Variants in CACNA2D3 observed in about 807,000 individuals in gnomAD.
CACNA2D3 encodes the protein voltage-dependent calcium channel subunit alpha-2/delta-3.
Under a neutral mutation model 160.6 loss-of-function variants are expected in CACNA2D3, and 60 were observed. The ratio of observed to expected loss-of-function variants is 0.37; its 90% confidence interval spans 0.30 to 0.46. The LOEUF (loss-of-function observed/expected upper bound fraction) is 0.46. Ranked by LOEUF, CACNA2D3 falls within the 20% of genes least tolerant of loss-of-function variation. The probability of loss-of-function intolerance (pLI) is 1.00; values close to 1 mark genes in which losing one functional copy is unlikely to be tolerated. For missense variants in CACNA2D3, 1,205 were observed against 1,365.0 expected, an observed-to-expected ratio of 0.88 and a Z score of 1.85; for synonymous variants, 558 against 492.9, an observed-to-expected ratio of 1.13 and a Z score of -1.75.
At chr3:55,064,411 G>T (rs1046685331) in intron 35 of CACNA2D3, among the ~76,000 whole-genome samples, 5 of 152,092 alleles carry the variant, frequency 3.3e-5, no homozygotes, top group Non-Finnish European at 5.9e-5. Context: ...CCGGTGAGGT[G>T]GGGGGCAGGG....
intron 2 of CACNA2D3, among the ~76,000 whole-genome samples, chr3:54,272,531 A>G (rs887738015): frequency 6.6e-6 from 1 of 151,996 alleles, no homozygotes; most frequent in Non-Finnish European, 1.5e-5. Flanking sequence ...TTTCAGGTTC[A>G]TTAAACCTAT....
intron 9 of CACNA2D3, among the ~76,000 whole-genome samples, chr3:54,619,807 G>T (rs1289401285): frequency 7.2e-5 from 11 of 151,960 alleles, no homozygotes; most frequent in African/African-American, 2.4e-4. Context: ...GATAATATTG[G>T]CTCTGCACTG....
chr3:54,569,847 C>T lies in CACNA2D3; in HGVS notation c.729C>T (p.Asn243=). 2.5e-6 allele frequency: 4 copies of T among 1,609,342 alleles called. No individual in the cohort carries two copies. The highest frequency in any genetic ancestry group is 3.4e-6 in the Non-Finnish European group (4 of 1,177,602). ...ENGVIAFDCR[N]RKWYIQAATS... ...GAGTCATTGCCTTCGACTGCAGGAACCGAAAATGGTAGGCAGTGGTCAGAC... is the reference window on the plus strand; with the variant it reads ...GAGTCATTGCCTTCGACTGCAGGAATCGAAAATGGTAGGCAGTGGTCAGAC... Residue 243 remains asparagine, a synonymous_variant, in exon 7 of 38, where the codon AAC becomes AAT. Coordinates refer to ENST00000474759, the MANE Select transcript of CACNA2D3 (RefSeq NM_018398.3).
chr3:54,547,217 A>G (rs1453159007), intron 5 of CACNA2D3, among the ~76,000 whole-genome samples: 1 of 152,212 alleles, frequency 6.6e-6, no homozygotes. Context: ...AGTTGGCATA[A>G]TTCCTAGCGT....
chr3:54,610,788 C>G (rs1698736109), intron 9 of CACNA2D3, among the ~76,000 whole-genome samples: 1 of 152,118 alleles, frequency 6.6e-6, no homozygotes, highest in Non-Finnish European at 1.5e-5. Context: ...CGCCACCATG[C>G]CCGGCTAATT....
chr3:54,983,613 C>G (rs974825693), intron 29 of CACNA2D3, among the ~76,000 whole-genome samples: 7 of 152,138 alleles, frequency 4.6e-5, no homozygotes, highest in African/African-American at 1.7e-4. Context: ...TCTGTTGATT[C>G]TGCACAGTCA....
intron 5 of CACNA2D3, among the ~76,000 whole-genome samples, chr3:54,557,042 C>T (rs967415691): frequency 2.0e-5 from 3 of 151,974 alleles, no homozygotes; most frequent in Non-Finnish European, 2.9e-5. Context: ...TTTTCTTTTC[C>T]TATCTTTTAA....
chr3:54,677,551 T>G (rs1700264528), intron 11 of CACNA2D3, among the ~76,000 whole-genome samples: 1 of 150,908 alleles, frequency 6.6e-6, no homozygotes, highest in Non-Finnish European at 1.5e-5. Flanking sequence ...ATAGAGTGAG[T>G]AGATGAAAAT....
chr3:55,017,639 G>A (rs72866961), intron 34 of CACNA2D3, among the ~76,000 whole-genome samples: 14,737 of 152,152 alleles, frequency 0.097, 780 homozygotes, highest in African/African-American at 0.11. Context: ...AGCCTCTACC[G>A]AGTGCCTACT....
At chr3:54,173,578 C>T (rs868621605) in intron 2 of CACNA2D3, among the ~76,000 whole-genome samples, 1 of 152,154 alleles carries the variant, frequency 6.6e-6, no homozygotes, top group Admixed American at 6.5e-5. Context: ...GTTATGGAAA[C>T]GGAAACAGTC....
At chr3:54,259,119 C>A (rs1262930731) in intron 2 of CACNA2D3, among the ~76,000 whole-genome samples, 1 of 152,226 alleles carries the variant, frequency 6.6e-6, no homozygotes, top group Non-Finnish European at 1.5e-5. Flanking sequence ...AATGTCTCAC[C>A]TTACCCTGGA....
At chr3:54,422,400 GA>G (rs1450185937) in intron 4 of CACNA2D3, among the ~76,000 whole-genome samples, 1 of 152,124 alleles carries the variant, frequency 6.6e-6, no homozygotes, top group Non-Finnish European at 1.5e-5. Flanking sequence ...AAATGTTTAA[GA>G]AAATGTTTAA....
At chr3:54,382,360 A>G (rs1194080412) in intron 3 of CACNA2D3, among the ~76,000 whole-genome samples, 1 of 152,250 alleles carries the variant, frequency 6.6e-6, no homozygotes, top group African/African-American at 2.4e-5. Context: ...TTAGATGATT[A>G]TAATGACATT....
At chr3:54,214,476 A>C (rs1701428027) in intron 2 of CACNA2D3, among the ~76,000 whole-genome samples, 1 of 152,192 alleles carries the variant, frequency 6.6e-6, no homozygotes, top group Non-Finnish European at 1.5e-5. Context: ...GCCAAAGGGC[A>C]GGACCTGGTT....
chr3:54,605,915 T>C lies in CACNA2D3; in HGVS notation c.964-21872T>C, dbSNP rs188834818. 3.3e-4 allele frequency among the ~76,000 whole-genome samples: 51 copies of C among 152,350 alleles called. 1 individual carries two copies. Among genetic ancestry groups the C allele is most frequent in the Admixed American group, 3.0e-3 (46 of 15,308 alleles). ...ATTTGCTCCAGCTCATTTGAGTGAC[T>C]TTTCTTCTGTAATGCCTTCAGATTA... On this transcript the variant is annotated intron_variant, in intron 9 of 37. Transcript: ENST00000474759.
At chr3:54,790,422 C>T (rs1262269062) in intron 13 of CACNA2D3, among the ~76,000 whole-genome samples, 1 of 152,154 alleles carries the variant, frequency 6.6e-6, no homozygotes, top group East Asian at 1.9e-4. Flanking sequence ...TCCCATGAGC[C>T]AAGCTGGTGA....
In CACNA2D3 at chr3:54,767,476, G is replaced by A. The variant is rs150006471; in HGVS notation, c.1380+3125G>A. On this transcript the variant is annotated intron_variant, in intron 13 of 37. Transcript: ENST00000474759. Reference sequence around the variant, plus strand: ...GCAAATGTGTAAATGCTGAAGACAGGGGATCTGCCTATGGGATTAGACTTG... The same window carrying A: ...GCAAATGTGTAAATGCTGAAGACAGAGGATCTGCCTATGGGATTAGACTTG... Among the ~76,000 whole-genome samples the A allele has an allele frequency of 3.0e-3, 452 of 152,156 alleles. 2 individuals are homozygous for A. The highest frequency in any genetic ancestry group is 0.01 in the African/African-American group (430 of 41,528).
At chr3:54,196,062 G>A (rs1331361493) in intron 2 of CACNA2D3, among the ~76,000 whole-genome samples, 2 of 152,120 alleles carry the variant, frequency 1.3e-5, no homozygotes, top group Non-Finnish European at 2.9e-5. Context: ...TGTGTGGTTG[G>A]CATTTGTAGC....
chr3:54,752,420 G>C (rs1350803751), intron 11 of CACNA2D3, among the ~76,000 whole-genome samples, 179 bp from the exon 12 acceptor site: 1 of 152,188 alleles, frequency 6.6e-6, no homozygotes, highest in Non-Finnish European at 1.5e-5. Context: ...AAAGATCAAA[G>C]GCCCCAATTT....
Sources: gnomAD v4.1 joint callset for allele counts (sites outside exome capture counted in the v4.1 genomes callset) on GRCh38, gnomAD v4.1.1 for gene constraint, MANE v1.5 for transcripts, NCBI Gene and HGNC (gene_info 2026-07-23, HGNC 2026-07-21) for gene names.